ANO10: variants seen among roughly 807,000 people sequenced by gnomAD.
ANO10 encodes anoctamin 10.
Under a neutral mutation model 74.7 loss-of-function variants are expected in ANO10, and 77 were observed. The ratio of observed to expected loss-of-function variants is 1.03; its 90% CI spans 0.86 to 1.25. The LOEUF (loss-of-function observed/expected upper bound fraction) is 1.25, where lower values mean the gene tolerates loss of function less well. Ranked by LOEUF, ANO10 falls within the 50% of genes most tolerant of loss-of-function variation. ANO10 has a pLI of 0.00. For missense variants in ANO10, 721 were observed against 778.1 expected, an observed-to-expected ratio of 0.93 and a Z score of 0.87; for synonymous variants, 279 against 284.9, an observed-to-expected ratio of 0.98 and a Z score of 0.21.
intron 11 of ANO10, among the ~76,000 whole-genome samples, chr3:43,534,820 A>G (rs1265994744): frequency 6.6e-6 from 1 of 152,168 alleles, no homozygotes; most frequent in African/African-American, 2.4e-5. Flanking sequence ...GGAGAGAACC[A>G]TATATGTAAT....
At chr3:43,454,464 ACTGT>A (rs1356811182) in intron 11 of ANO10, among the ~76,000 whole-genome samples, 1 of 152,146 alleles carries the variant, frequency 6.6e-6, no homozygotes, top group Non-Finnish European at 1.5e-5. Context: ...AGAGCCCAAG[ACTGT>A]CTGGCCATCA....
intron 1 of ANO10, among the ~76,000 whole-genome samples, chr3:43,681,938 A>C (rs1254061341): frequency 2.0e-5 from 3 of 152,250 alleles, no homozygotes; most frequent in Non-Finnish European, 4.4e-5. Flanking sequence ...CAGTGTGTAG[A>C]GGGAAATTTA....
intron 1 of ANO10, among the ~76,000 whole-genome samples, chr3:43,658,207 C>G (rs1231724513): frequency 6.8e-6 from 1 of 147,182 alleles, no homozygotes; most frequent in Non-Finnish European, 1.5e-5. Context: ...ATTTATGTAT[C>G]TTAAAGAAGT....
intron 12 of ANO10, among the ~76,000 whole-genome samples, chr3:43,374,428 G>A (rs531226760): frequency 6.6e-6 from 1 of 152,162 alleles, no homozygotes; most frequent in African/African-American, 2.4e-5. Flanking sequence ...AAAAACAGAG[G>A]CACATAAAGG....
At chr3:43,468,517 T>C (rs572601907) in intron 11 of ANO10, among the ~76,000 whole-genome samples, 5 of 152,072 alleles carry the variant, frequency 3.3e-5, no homozygotes, top group Non-Finnish European at 7.4e-5. Flanking sequence ...AAACAGTGAA[T>C]TTTCGGGATT....
At chr3:43,630,628 G>C (rs531294628) in intron 1 of ANO10, among the ~76,000 whole-genome samples, 17 of 152,274 alleles carry the variant, frequency 1.1e-4, no homozygotes, top group Non-Finnish European at 2.4e-4. Flanking sequence ...GGCAGTGGTT[G>C]TTACCTCTGC....
chr3:43,660,761 C>A lies in ANO10; in HGVS notation c.-12+30756G>T, dbSNP rs186132491. Among the ~76,000 whole-genome samples, 38 of 152,236 alleles carry A rather than the reference C, an allele frequency of 2.5e-4. No homozygotes were observed. The East Asian group carries it at 4.8e-3, about 19-fold the overall frequency. On this transcript the variant is annotated intron_variant, in intron 1 of 3. Transcript: ENST00000413397. ...CGTGAGGTCAGGAGTTTGAGACCTG[C>A]CTGACCAACATGGAGAAACCCTGTC...
At chr3:43,423,394 G>T (rs183004238) in intron 12 of ANO10, among the ~76,000 whole-genome samples, 3 of 152,268 alleles carry the variant, frequency 2.0e-5, no homozygotes, top group African/African-American at 7.2e-5. Context: ...TCTATTGGGC[G>T]CCAGGCCCTA....
chr3:43,659,489 G>A (rs1466976920), intron 1 of ANO10, among the ~76,000 whole-genome samples: 1 of 152,182 alleles, frequency 6.6e-6, no homozygotes, highest in African/African-American at 2.4e-5. Flanking sequence ...TGGGACACAG[G>A]AGCTTGGTGG....
rs555616630 is a variant in ANO10 at position 43,393,197 on chromosome 3, T to C, written c.1915-26223A>G. On this transcript the variant is annotated intron_variant, in intron 12 of 12. Coordinates refer to ENST00000292246, the MANE Select transcript of ANO10 (RefSeq NM_018075.5). Reference sequence around the variant, plus strand: ...ATGCCTACCTCATATTTCCCTTGGATGTTAATAAATTAACAACACTAAATT... The same window carrying C: ...ATGCCTACCTCATATTTCCCTTGGACGTTAATAAATTAACAACACTAAATT... Among the ~76,000 whole-genome samples the C allele has an allele frequency of 3.9e-5, 6 of 152,336 alleles. No individual in the cohort carries two copies. The South Asian group carries it at 1.2e-3, about 32-fold the overall frequency.
intron 12 of ANO10, among the ~76,000 whole-genome samples, chr3:43,404,318 C>A (rs1363074848): frequency 6.6e-6 from 1 of 152,084 alleles, no homozygotes; most frequent in African/African-American, 2.4e-5. Flanking sequence ...TGGATAATAA[C>A]CAGCAAGAAA....
At chr3:43,658,616 C>G (rs1385072089) in intron 1 of ANO10, among the ~76,000 whole-genome samples, 1 of 152,072 alleles carries the variant, frequency 6.6e-6, no homozygotes, top group Admixed American at 6.5e-5. Flanking sequence ...ATTACAGTCA[C>G]CTGCCAACAG....
rs1349710571 is a variant in ANO10 at position 43,645,631 on chromosome 3, G to A, written c.-11-39768C>T. ...TTTCTGAAGTGATTGCTTTGAAGTC[G>A]GACATGTGCATGTGCAGGCTGTGCT... On this transcript the variant is annotated intron_variant, in intron 1 of 3. Coordinates refer to the ANO10 transcript ENST00000413397. Among the ~76,000 whole-genome samples the A allele has an allele frequency of 4.6e-5, 7 of 152,172 alleles. No individual in the cohort carries two copies. In the South Asian group the frequency reaches 1.0e-3, roughly 23 times the overall value.
At chr3:43,382,512 C>A in intron 12 of ANO10, among the ~76,000 whole-genome samples, 1 of 143,272 alleles carries the variant, frequency 7.0e-6, no homozygotes. Flanking sequence ...GAGCGAGACT[C>A]CGTCTCAAAA....
intron 12 of ANO10, among the ~76,000 whole-genome samples, chr3:43,394,713 G>C (rs1445309568): frequency 6.6e-6 from 1 of 152,144 alleles, no homozygotes; most frequent in Non-Finnish European, 1.5e-5. Flanking sequence ...TTAAGAGAAG[G>C]CCACCTTGAG....
chr3:43,627,027 C>T (rs759060365), intron 1 of ANO10, among the ~76,000 whole-genome samples: 3 of 148,962 alleles, frequency 2.0e-5, no homozygotes, highest in Admixed American at 7.0e-5. Flanking sequence ...TGACCATGTA[C>T]TTTCACTGTT....
chr3:43,385,439 C>A (rs564235453), intron 12 of ANO10, among the ~76,000 whole-genome samples: 1 of 152,188 alleles, frequency 6.6e-6, no homozygotes, highest in African/African-American at 2.4e-5. Flanking sequence ...AATTATTATA[C>A]GAAAAAGATA....
intron 1 of ANO10, among the ~76,000 whole-genome samples, chr3:43,612,150 A>G (rs1443118088): frequency 3.2e-4 from 30 of 92,548 alleles, no homozygotes; most frequent in Admixed American, 5.8e-4. Context: ...TTATATATAT[A>G]TATATATATA....
intron 11 of ANO10, among the ~76,000 whole-genome samples, chr3:43,440,607 TAGG>T (rs147589844): frequency 0.011 from 1,678 of 152,258 alleles, 29 homozygotes; most frequent in African/African-American, 0.038. Flanking sequence ...ACCGTAATAG[TAGG>T]AGATTTCAAT....
Sources: gnomAD v4.1 joint callset for allele counts (sites outside exome capture counted in the v4.1 genomes callset) on GRCh38, gnomAD v4.1.1 for gene constraint, MANE v1.5 for transcripts, NCBI Gene and HGNC (gene_info 2026-07-23, HGNC 2026-07-21) for gene names.